Variants in MMP2 observed in about 807,000 individuals in gnomAD.
MMP2 encodes 72 kDa type IV collagenase.
In MMP2, 39 loss-of-function variants were observed where a neutral mutation model predicts 74.8. That is an observed-to-expected ratio of 0.52 (90% CI 0.40 to 0.68). The LOEUF (loss-of-function observed/expected upper bound fraction) is 0.68. MMP2 is among the 30% of genes least tolerant of loss of function. The pLI, the probability that MMP2 is intolerant of heterozygous loss-of-function variation, is 0.00. For missense variants in MMP2, 803 were observed against 878.3 expected (o/e 0.91, Z 1.08); for synonymous variants, 367 against 339.8 (o/e 1.08, Z -0.88).
Position 55,505,480 on chromosome 16 carries a change from C to A in MMP2, c.*38C>A. 6.4e-7 allele frequency: 1 copy of A among 1,559,544 alleles called. No homozygotes were observed. The highest frequency in any genetic ancestry group is 1.4e-5 in the African/African-American group (1 of 73,868). On this transcript the variant is annotated 3_prime_UTR_variant, in exon 13 of 13. Coordinates refer to ENST00000219070, the MANE Select transcript of MMP2 (RefSeq NM_004530.6). ...TCCCACAGGCCCTTCCTCTCCACTG[C>A]CTTCGATACACCGGGCCTGGAGAAC...
intron 9 of MMP2, among the ~76,000 whole-genome samples, chr16:55,495,458 G>A (rs1962509290): frequency 6.6e-6 from 1 of 152,202 alleles, no homozygotes; most frequent in African/African-American, 2.4e-5. Flanking sequence ...TTGCTGCTAG[G>A]CACTGGTGAG....
chr16:55,481,361 T>C lies in MMP2; in HGVS notation c.154-1548T>C, dbSNP rs146294932. On this transcript the variant is annotated intron_variant, in intron 1 of 12. Transcript: ENST00000219070. ...CGCTGGTGGGAGTGTCTAATGTATT[T>C]AACATGCTAATACATTATAATTAGC... is the stretch of plus-strand genomic sequence containing the variant. Among the ~76,000 whole-genome samples, 1,210 of 152,312 alleles carry C rather than the reference T, an allele frequency of 7.9e-3. 11 individuals carry two copies. The highest frequency in any genetic ancestry group is 0.011 in the Non-Finnish European group (743 of 68,032).
At chr16:55,494,957 G>C (rs1361651855) in intron 9 of MMP2, among the ~76,000 whole-genome samples, 1 of 152,216 alleles carries the variant, frequency 6.6e-6, no homozygotes, top group Admixed American at 6.5e-5. Flanking sequence ...AAAGTTTCTG[G>C]ATTAGCCAGT....
chr16:55,483,094 C>A lies in MMP2; in HGVS notation c.339C>A (p.Phe113Leu). ...GNPDVANYNF[F>L]PRKPKWDKNQ... ...CAGATGTGGCCAACTACAACTTCTT[C>A]CCTCGCAAGCCCAAGTGGGACAAGA... The change falls in exon 2 of 13, where the codon TTC becomes TTA. Residue 113 changes from phenylalanine (F) to leucine (L), a missense_variant. Phe to Leu is a conservative substitution (Grantham distance 22, BLOSUM62 0). Transcript: ENST00000219070. 6.2e-7 allele frequency: 1 copy of A among 1,614,086 alleles called. No individual in the cohort carries two copies. Among genetic ancestry groups the A allele is most frequent in the East Asian group, 2.2e-5 (1 of 44,876 alleles).
chr16:55,502,426 A>G (rs1286874630), intron 11 of MMP2, among the ~76,000 whole-genome samples: 1 of 152,212 alleles, frequency 6.6e-6, no homozygotes, highest in Non-Finnish European at 1.5e-5. Flanking sequence ...ATTAAATTAA[A>G]TACACTAAAT....
rs1962036870 is a variant in MMP2, at chr16:55,479,388, C to A, written c.-92C>A. The A allele has an allele frequency of 8.2e-6, 11 of 1,339,088 alleles. No individual in the cohort carries two copies. Among genetic ancestry groups the A allele is most frequent in the Non-Finnish European group, 1.1e-5 (11 of 1,045,324 alleles). The allele number at this position is 1,339,088 out of a possible 1,614,324, so 83.0% of individuals were successfully genotyped here. ...AGCGGACCCTCGGAGCGCAGCCCTG[C>A]GCCGCGGAGCAGGCTCCAACCAGGC... On this transcript the variant is annotated 5_prime_UTR_variant, in exon 1 of 13. Transcript: ENST00000219070.
At chr16:55,491,207 G>A (rs1376664712) in intron 7 of MMP2, among the ~76,000 whole-genome samples, 2 of 151,950 alleles carry the variant, frequency 1.3e-5, no homozygotes, top group Non-Finnish European at 2.9e-5. Flanking sequence ...ACATTCACAG[G>A]TCCCTAGGGT....
At chr16:55,492,029 AG>A in intron 8 of MMP2, 73 bp downstream of exon 8, 3 of 1,445,564 alleles carry the variant, frequency 2.1e-6, no homozygotes, top group Non-Finnish European at 2.9e-6. Context: ...ATGGAGGCCC[AG>A]GGGGTGGGAC....
chr16:55,491,956 G>A lies in MMP2; in HGVS notation c.1336G>A (p.Gly446Arg). ...DDIKGIQELY[G>R]ASPDIDLGTG... is the part of the protein sequence containing the mutation. ...CATCAAGGGCATTCAGGAGCTCTATGGTAAACCTCCGGGCGGGGGTTGGGG... is the reference window on the plus strand; with the variant it reads ...CATCAAGGGCATTCAGGAGCTCTATAGTAAACCTCCGGGCGGGGGTTGGGG... The change falls in exon 8 of 13, where the codon GGG (glycine) becomes AGG (arginine). Residue 446 changes from glycine (G) to arginine (R), a missense_variant and splice_region_variant. Gly to Arg is a moderately radical substitution (Grantham distance 125). Transcript: ENST00000219070. 6.2e-7 allele frequency: 1 copy of A among 1,612,544 alleles called. No homozygotes were observed. Among genetic ancestry groups the A allele is most frequent in the Non-Finnish European group, 8.5e-7 (1 of 1,179,240 alleles).
At chr16:55,489,910 C>T in intron 7 of MMP2, 86 bp downstream of exon 7, 1 of 1,458,170 alleles carries the variant, frequency 6.9e-7, no homozygotes, top group Admixed American at 1.9e-5. Context: ...AGACCTCACC[C>T]ACTTCAAGCA....
intron 8 of MMP2, among the ~76,000 whole-genome samples, chr16:55,492,809 C>T (rs1187595236): frequency 6.6e-6 from 1 of 152,172 alleles, no homozygotes. Context: ...CGCCCTGACT[C>T]TTGTGGGCAT....
intron 11 of MMP2, among the ~76,000 whole-genome samples, chr16:55,500,477 GTGTGCGCA>G (rs1962638462): frequency 7.6e-6 from 1 of 131,352 alleles, no homozygotes; most frequent in Non-Finnish European, 1.6e-5. Flanking sequence ...GAACATGATT[GTGTGCGCA>G]TGTGCGCATA....
Position 55,505,543 on chromosome 16 carries a change from C to G in MMP2, c.*101C>G, listed in dbSNP as rs1962779739. On this transcript the variant is annotated 3_prime_UTR_variant, in exon 13 of 13. Coordinates refer to ENST00000219070, the MANE Select transcript of MMP2 (RefSeq NM_004530.6). ...CGGAGGGGCCTGGCAGCCGTGCCTT[C>G]AGCTCTACAGCTAATCAGCATTCTC... 1 of 913,134 alleles carries G rather than the reference C, an allele frequency of 1.1e-6. No individual in the cohort carries two copies. The highest frequency in any genetic ancestry group is 1.6e-5 in the African/African-American group (1 of 61,504). 56.6% of individuals were successfully genotyped at this position (913,134 alleles called of 1,614,324 possible).
In MMP2 at chr16:55,483,052, G is replaced by A. The variant is rs1415610135; in HGVS notation, c.297G>A (p.Lys99=). 1.2e-6 allele frequency: 2 copies of A among 1,614,072 alleles called. No individual in the cohort carries two copies. Among genetic ancestry groups the A allele is most frequent in the African/African-American group, 1.3e-5 (1 of 74,914 alleles). ...LDQNTIETMR[K]PRCGNPDVAN... is the part of the protein sequence containing the mutation. The stretch of plus-strand genomic sequence containing the variant: ...AGAATACCATCGAGACCATGCGGAA[G>A]CCACGCTGCGGCAACCCAGATGTGG... The change falls in exon 2 of 13, where the codon AAG becomes AAA. Residue 99 remains lysine, a synonymous_variant. Coordinates refer to ENST00000219070, the MANE Select transcript of MMP2 (RefSeq NM_004530.6).
Position 55,483,004 on chromosome 16 carries a change from G to T in MMP2, c.249G>T (p.Leu83=), listed in dbSNP as rs556195353. ...AGAAGATGCAGAAGTTCTTTGGACT[G>T]CCCCAGACAGGTGATCTTGACCAGA... ...TLKKMQKFFG[L]PQTGDLDQNT... is the part of the protein sequence containing the mutation. Residue 83 remains leucine (L), a synonymous_variant, in exon 2 of 13, where the codon CTG becomes CTT. Coordinates refer to ENST00000219070, the MANE Select transcript of MMP2 (RefSeq NM_004530.6). 6.2e-7 allele frequency: 1 copy of T among 1,614,218 alleles called. No individual in the cohort carries two copies. Among genetic ancestry groups the T allele is most frequent in the South Asian group, 1.1e-5 (1 of 91,084 alleles).
chr16:55,492,089 G>A (rs1306530388), intron 8 of MMP2, 133 bp downstream of exon 8: 3 of 855,994 alleles, frequency 3.5e-6, no homozygotes, highest in Non-Finnish European at 5.5e-6. Flanking sequence ...GGCAGGAAAT[G>A]GGAGTGTTGA....
At position 55,479,643 on chromosome 16, in the gene MMP2, G is replaced by A. The variant is rs1438133900; in HGVS notation, c.153+11G>A. On this transcript the variant is annotated intron_variant, in intron 1 of 12. Transcript: ENST00000219070. ...AAAGAGTTGGCAGTGGTGAGTTGCTGCGCTGGCCTCAAGGAACCACGTTTA... is the reference window on the plus strand; with the variant it reads ...AAAGAGTTGGCAGTGGTGAGTTGCTACGCTGGCCTCAAGGAACCACGTTTA... The A allele has an allele frequency of 6.2e-7, 1 of 1,613,728 alleles. No homozygotes were observed. Among genetic ancestry groups the A allele is most frequent in the Admixed American group, 1.7e-5 (1 of 60,036 alleles).
At position 55,496,963 on chromosome 16, in the gene MMP2, A is replaced by G. The variant is rs750457999; in HGVS notation, c.1510A>G (p.Met504Val). The G allele has an allele frequency of 7.4e-6, 12 of 1,614,032 alleles. No homozygotes were observed. Among genetic ancestry groups the G allele is most frequent in the Middle Eastern group, 1.6e-4 (1 of 6,084 alleles). Reference protein sequence around the residue: ...WRTVTPRDKPMGPLLVATFWP... With the variant: ...WRTVTPRDKPVGPLLVATFWP... ...GACTGTGACGCCACGTGACAAGCCC[A>G]TGGGGCCCCTGCTGGTGGCCACATT... The change falls in exon 10 of 13, where the codon ATG becomes GTG. Residue 504 changes from methionine to valine, a missense_variant. Around this residue, in one of 3 missense-constraint regions of MMP2, gnomAD observed 555 missense variants for 592.0 expected, o/e 0.94. Transcript: ENST00000219070.
intron 1 of MMP2, among the ~76,000 whole-genome samples, chr16:55,480,269 T>C (rs1962064571): frequency 6.6e-6 from 1 of 152,046 alleles, no homozygotes; most frequent in African/African-American, 2.4e-5. Context: ...TGGGAAGTGA[T>C]TGGGGCAGGA....
Sources: gnomAD v4.1 joint callset for allele counts (sites outside exome capture counted in the v4.1 genomes callset) on GRCh38, gnomAD v4.1.1 for gene constraint, gnomAD v4.1.1 regional missense constraint, MANE v1.5 for transcripts, NCBI Gene and HGNC (gene_info 2026-07-23, HGNC 2026-07-21) for gene names.